SCNN1B: variants seen among roughly 807,000 people sequenced by gnomAD.
SCNN1B encodes sodium channel epithelial 1 subunit beta.
Under a neutral mutation model 65.3 loss-of-function variants are expected in SCNN1B, and 46 were observed. The ratio of observed to expected loss-of-function variants is 0.70; its 90% CI spans 0.56 to 0.90. The LOEUF is 0.90. SCNN1B is among the 40% of genes least tolerant of loss of function. SCNN1B has a pLI of 0.00. For missense variants in SCNN1B, 751 were observed against 830.5 expected (o/e 0.90, Z 1.18); for synonymous variants, 349 against 330.6 (o/e 1.06, Z -0.60).
chr16:23,336,623 G>A (rs1025182109), intron 1 of SCNN1B, among the ~76,000 whole-genome samples: 2 of 152,056 alleles, frequency 1.3e-5, no homozygotes, highest in Non-Finnish European at 2.9e-5. Context: ...GCCCACCTCG[G>A]CCTCCCAAAG....
intron 4 of SCNN1B, among the ~76,000 whole-genome samples, chr16:23,362,202 G>A (rs538825841): frequency 1.3e-5 from 2 of 151,964 alleles, no homozygotes; most frequent in Non-Finnish European, 2.9e-5. Flanking sequence ...AAAATTAGCC[G>A]GGTGTGTTGG....
At chr16:23,343,417 A>G (rs1042121549) in intron 1 of SCNN1B, among the ~76,000 whole-genome samples, 4 of 150,956 alleles carry the variant, frequency 2.6e-5, no homozygotes, top group African/African-American at 9.8e-5. Flanking sequence ...ACGCGATCGC[A>G]CTCCAGCCTG....
At chr16:23,296,122 GAGAAGTCAGA>G (rs1175050673) in intron 2 of SCNN1B, among the ~76,000 whole-genome samples, 1 of 152,080 alleles carries the variant, frequency 6.6e-6, no homozygotes, top group African/African-American at 2.4e-5. Context: ...CGGGCTGAAG[GAGAAGTCAGA>G]CTGAGGTGAC....
intron 2 of SCNN1B, among the ~76,000 whole-genome samples, chr16:23,288,510 G>C (rs1461252785): frequency 6.6e-6 from 1 of 152,146 alleles, no homozygotes; most frequent in Non-Finnish European, 1.5e-5. Flanking sequence ...TGTGATCAAG[G>C]TGTCTGCTGG....
chr16:23,327,610 G>A (rs1325530929), intron 1 of SCNN1B, among the ~76,000 whole-genome samples: 19 of 152,060 alleles, frequency 1.2e-4, no homozygotes, highest in Admixed American at 1.1e-3. Context: ...TGCCTGTATC[G>A]TAGTTTGTGG....
intron 8 of SCNN1B, among the ~76,000 whole-genome samples, chr16:23,376,421 G>A (rs1439153622): frequency 6.6e-6 from 1 of 152,052 alleles, no homozygotes; most frequent in Non-Finnish European, 1.5e-5. Flanking sequence ...CAGCATGTGT[G>A]TTCATGTCTA....
chr16:23,313,892 G>A (rs998111814), intron 1 of SCNN1B, among the ~76,000 whole-genome samples: 5 of 152,204 alleles, frequency 3.3e-5, no homozygotes, highest in African/African-American at 1.2e-4. Flanking sequence ...TTACAGACAT[G>A]AGCCATGCAC....
At chr16:23,297,842 G>T (rs1596812531), upstream of SCNN1B, among the ~76,000 whole-genome samples, 1 of 152,196 alleles carries the variant, frequency 6.6e-6, no homozygotes, top group African/African-American at 2.4e-5. Flanking sequence ...TGAAAAAGGA[G>T]TGGTGACCCC....
chr16:23,377,206 G>A lies in SCNN1B; in HGVS notation c.1312G>A (p.Glu438Lys). 1.2e-6 allele frequency: 2 copies of A among 1,614,254 alleles called. No individual in the cohort carries two copies. Reference sequence around the variant, plus strand: ...TCTACAGATGAGCGTGGCGCAGAGAGAGACCTGCATTGGCATGTGCAAGGA... The same window carrying A: ...TCTACAGATGAGCGTGGCGCAGAGAAAGACCTGCATTGGCATGTGCAAGGA... ...SDLQMSVAQR[E>K]TCIGMCKESC... Residue 438 changes from glutamate (E) to lysine (K), a missense_variant, in exon 9 of 13, where the codon GAG (glutamate) becomes AAG (lysine). Physicochemically the swap from Glu to Lys is moderately conservative, Grantham distance 56. Transcript: ENST00000343070.
At chr16:23,307,468 C>A (rs554582900) in intron 1 of SCNN1B, among the ~76,000 whole-genome samples, 1 of 151,852 alleles carries the variant, frequency 6.6e-6, no homozygotes, top group South Asian at 2.1e-4. Context: ...TACAAGAGTC[C>A]GCCACCATGC....
intron 4 of SCNN1B, among the ~76,000 whole-genome samples, chr16:23,367,144 C>A (rs1315555052): frequency 1.3e-5 from 2 of 152,196 alleles, no homozygotes; most frequent in East Asian, 3.8e-4. Context: ...AAGATGACCT[C>A]ATCTCGAGAT....
intron 1 of SCNN1B, among the ~76,000 whole-genome samples, chr16:23,343,415 G>A (rs1441036943): frequency 2.7e-5 from 4 of 150,302 alleles, no homozygotes; most frequent in Non-Finnish European, 5.9e-5. Flanking sequence ...TCACGCGATC[G>A]CACTCCAGCC....
intron 1 of SCNN1B, among the ~76,000 whole-genome samples, chr16:23,308,313 A>G (rs1291943942): frequency 6.6e-6 from 1 of 152,214 alleles, no homozygotes; most frequent in Non-Finnish European, 1.5e-5. Context: ...AATTGAGGCC[A>G]GGAGTTCAAG....
intron 2 of SCNN1B, among the ~76,000 whole-genome samples, chr16:23,289,266 C>T (rs759416503): frequency 3.2e-4 from 48 of 152,128 alleles, no homozygotes; most frequent in Non-Finnish European, 5.7e-4. Flanking sequence ...GACTCTAAAC[C>T]AGTGGAGGCT....
chr16:23,373,302 A>AT lies in SCNN1B; in HGVS notation c.1152+1425dup, dbSNP rs916331707. Among the ~76,000 whole-genome samples, 152 of 152,052 alleles carry AT rather than the reference A, an allele frequency of 1.0e-3. 1 individual carries two copies. Among genetic ancestry groups the AT allele is most frequent in the African/African-American group, 3.4e-3 (141 of 41,442 alleles). ...CCTGGCTAATTTCTTAATTTTTAAA[A>AT]TTTTTTGCAGAGACAGAGTCTTGCT... On this transcript the variant is annotated intron_variant, in intron 7 of 12. Coordinates refer to ENST00000343070, the MANE Select transcript of SCNN1B (RefSeq NM_000336.3).
chr16:23,370,971 A>T (rs2142038681), intron 5 of SCNN1B, among the ~76,000 whole-genome samples: 1 of 152,336 alleles, frequency 6.6e-6, no homozygotes, highest in South Asian at 2.1e-4. Context: ...GAACGGGGAC[A>T]GCGAGGGCAC....
chr16:23,318,482 G>A (rs969787120), intron 1 of SCNN1B, among the ~76,000 whole-genome samples: 1 of 152,092 alleles, frequency 6.6e-6, no homozygotes, highest in South Asian at 2.1e-4. Context: ...GGTGGCGGAC[G>A]CCTGTAATCC....
intron 2 of SCNN1B, among the ~76,000 whole-genome samples, chr16:23,292,944 G>A (rs541403106): frequency 4.0e-5 from 6 of 150,922 alleles, no homozygotes; most frequent in East Asian, 2.0e-4. Flanking sequence ...GTGAAACCCC[G>A]TCTCTACTAA....
At chr16:23,315,126 T>C (rs973633922) in intron 1 of SCNN1B, among the ~76,000 whole-genome samples, 1 of 151,848 alleles carries the variant, frequency 6.6e-6, no homozygotes, top group Non-Finnish European at 1.5e-5. Context: ...CACCTGAGGT[T>C]GGGAGTTTGA....
Sources: gnomAD v4.1 joint callset for allele counts (sites outside exome capture counted in the v4.1 genomes callset) on GRCh38, gnomAD v4.1.1 for gene constraint, MANE v1.5 for transcripts, NCBI Gene and HGNC (gene_info 2026-07-23, HGNC 2026-07-21) for gene names.